NTNG2: variants seen among roughly 807,000 people sequenced by gnomAD.
The protein encoded by NTNG2 is netrin G2.
A neutral mutation model predicts 47.6 loss-of-function variants in NTNG2; 15 were observed. That is an observed-to-expected ratio of 0.32 (90% CI 0.21 to 0.49). The LOEUF is 0.49. Among genes scored for constraint, NTNG2 ranks in the 20% least tolerant of loss-of-function variants. NTNG2 has a pLI of 0.99. For synonymous variants in NTNG2, 307 were observed against 324.6 expected, an observed-to-expected ratio of 0.95 and a Z score of 0.58; for missense variants, 578 against 764.6, an observed-to-expected ratio of 0.76 and a Z score of 2.88.
rs188997202 is a variant in NTNG2 at position 132,180,686 on chromosome 9, C to T, written c.213+13642C>T. 7.2e-5 allele frequency among the ~76,000 whole-genome samples: 11 copies of T among 152,156 alleles called. No homozygotes were observed. The highest frequency in any genetic ancestry group is 2.4e-4 in the African/African-American group (10 of 41,486). ...ACCCCCAGATTCTGCTTCAGGGAGA[C>T]GGAGAGAGAGAGAAAGAGAAAGAAC... On this transcript the variant is annotated intron_variant, in intron 2 of 7. Coordinates refer to ENST00000393229, the MANE Select transcript of NTNG2 (RefSeq NM_032536.4). The surrounding 1 kb of genome is among the most constrained non-coding windows in gnomAD (Gnocchi z 4.2).
In NTNG2 at chr9:132,163,576, C is replaced by G. The variant is rs977728087; in HGVS notation, c.-484+1337C>G. 7.2e-5 allele frequency among the ~76,000 whole-genome samples: 11 copies of G among 152,292 alleles called. No homozygotes were observed. Among genetic ancestry groups the G allele is most frequent in the East Asian group, 3.9e-4 (2 of 5,170 alleles). On this transcript the variant is annotated intron_variant, in intron 1 of 7. Coordinates refer to ENST00000393229, the MANE Select transcript of NTNG2 (RefSeq NM_032536.4). The surrounding 1 kb of genome is among the most constrained non-coding windows in gnomAD (Gnocchi z 7.2). ...TCTCCCCTGAAAGCAGATTTCACCC[C>G]CCTCTGCCGCCCCTGCCGAGGAGGG...
intron 3 of NTNG2, among the ~76,000 whole-genome samples, chr9:132,214,386 G>A (rs773898652): frequency 5.9e-5 from 9 of 152,186 alleles, no homozygotes; most frequent in African/African-American, 1.2e-4. Context: ...TGCCTGGCAC[G>A]GGCCAGGGCC....
chr9:132,209,050 C>T (rs1417283140), intron 3 of NTNG2, among the ~76,000 whole-genome samples: 5 of 152,224 alleles, frequency 3.3e-5, no homozygotes, highest in Non-Finnish European at 7.3e-5. Context: ...GTGCCGTGTG[C>T]ACTGCACACC....
intron 2 of NTNG2, among the ~76,000 whole-genome samples, chr9:132,191,039 C>T (rs1465965468): frequency 1.3e-5 from 2 of 152,290 alleles, no homozygotes; most frequent in African/African-American, 2.4e-5. Context: ...AAGTGATGTG[C>T]GGCCATGGGT....
rs1002918896 is a variant in NTNG2, at chr9:132,221,439, C to T, written c.858-5410C>T. ...CACACCGACACAGAGGCAGTACCACCCACAGTGACCTGCAAAAGTCAGAGA... is the reference window on the plus strand; with the variant it reads ...CACACCGACACAGAGGCAGTACCACTCACAGTGACCTGCAAAAGTCAGAGA... On this transcript the variant is annotated intron_variant, in intron 3 of 7. Transcript: ENST00000393229. The surrounding 1 kb of genome is among the most constrained non-coding windows in gnomAD (Gnocchi z 4.2). 1.3e-5 allele frequency among the ~76,000 whole-genome samples: 2 copies of T among 152,182 alleles called. No individual in the cohort carries two copies. Among genetic ancestry groups the T allele is most frequent in the African/African-American group, 2.4e-5 (1 of 41,438 alleles).
chr9:132,219,602 A>G (rs984333962), intron 3 of NTNG2, among the ~76,000 whole-genome samples: 75 of 151,998 alleles, frequency 4.9e-4, no homozygotes, highest in African/African-American at 1.7e-3. Flanking sequence ...AGAAAGAAAG[A>G]AAGAAATTAT....
intron 2 of NTNG2, among the ~76,000 whole-genome samples, chr9:132,171,187 G>A (rs552767207): frequency 6.6e-6 from 1 of 152,314 alleles, no homozygotes; most frequent in African/African-American, 2.4e-5. Flanking sequence ...TACAGGCCTA[G>A]AATCTGAAGC....
chr9:132,200,958 C>T (rs1838700216), intron 3 of NTNG2, among the ~76,000 whole-genome samples: 1 of 152,242 alleles, frequency 6.6e-6, no homozygotes, highest in South Asian at 2.1e-4. Flanking sequence ...CCCTGCAGTC[C>T]CACTGGGCTT....
In NTNG2 at chr9:132,208,608, G is replaced by A. The variant is rs961301313; in HGVS notation, c.857+9999G>A. On this transcript the variant is annotated intron_variant, in intron 3 of 7. Coordinates refer to ENST00000393229, the MANE Select transcript of NTNG2 (RefSeq NM_032536.4). The surrounding 1 kb of genome is among the most constrained non-coding windows in gnomAD (Gnocchi z 4.0). Reference sequence around the variant, plus strand: ...TGCTGAGTAGCTGATGGGAGCAGGCGGTGGGAGGCATCATGGAGGACTCCC... The same window carrying A: ...TGCTGAGTAGCTGATGGGAGCAGGCAGTGGGAGGCATCATGGAGGACTCCC... Among the ~76,000 whole-genome samples, 7 of 152,144 alleles carry A rather than the reference G, an allele frequency of 4.6e-5. No homozygotes were observed. Among genetic ancestry groups the A allele is most frequent in the Admixed American group, 1.3e-4 (2 of 15,284 alleles).
intron 3 of NTNG2, among the ~76,000 whole-genome samples, chr9:132,222,928 C>T (rs1840447214): frequency 6.6e-6 from 1 of 152,104 alleles, no homozygotes; most frequent in Non-Finnish European, 1.5e-5. Flanking sequence ...CTGGGCAACA[C>T]AGGGAGACCC....
chr9:132,202,124 T>C (rs1306673221), intron 3 of NTNG2, among the ~76,000 whole-genome samples: 6 of 152,222 alleles, frequency 3.9e-5, no homozygotes, highest in Admixed American at 1.3e-4. Flanking sequence ...GTAGCCTGTA[T>C]GATGGAGCGA....
intron 5 of NTNG2, chr9:132,234,028 T>A: frequency 1.2e-4 from 1 of 8,226 alleles, no homozygotes; most frequent in South Asian, 0.024. Context: ...AGAGCTATCT[T>A]TTTTTTTTTT....
Position 132,230,543 on chromosome 9 carries a change from GC to G in NTNG2, c.1031-27del, listed in dbSNP as rs1841124556. On this transcript the variant is annotated intron_variant, in intron 4 of 7. Coordinates refer to ENST00000393229, the MANE Select transcript of NTNG2 (RefSeq NM_032536.4). ...CACCCAGGCCCCTTCCCCTGGGGCAGCCAGCTCACGCCCGTCTCTCTCCCAC... is the reference window on the plus strand; with the variant it reads ...CACCCAGGCCCCTTCCCCTGGGGCAGCAGCTCACGCCCGTCTCTCTCCCAC... The G allele has an allele frequency of 1.9e-6, 3 of 1,593,280 alleles. No individual in the cohort carries two copies. In the Admixed American group the frequency reaches 5.2e-5, roughly 28 times the overall value.
At chr9:132,169,687 C>T (rs1835749998) in intron 2 of NTNG2, among the ~76,000 whole-genome samples, 1 of 152,242 alleles carries the variant, frequency 6.6e-6, no homozygotes, top group South Asian at 2.1e-4. Flanking sequence ...CAGTAGAAAC[C>T]ATAATGTAGG....
intron 2 of NTNG2, among the ~76,000 whole-genome samples, chr9:132,175,159 G>A (rs867645365): frequency 8.5e-5 from 13 of 152,166 alleles, no homozygotes; most frequent in Middle Eastern, 3.4e-3. Context: ...GGGTGACAGA[G>A]AGGAGACAGT....
rs570676270 is a variant in NTNG2 at position 132,199,193 on chromosome 9, A to G, written c.857+584A>G. Among the ~76,000 whole-genome samples the G allele has an allele frequency of 1.8e-3, 274 of 152,216 alleles. 1 individual carries two copies. Among genetic ancestry groups the G allele is most frequent in the Admixed American group, 4.5e-3 (69 of 15,290 alleles). ...GCAGGAGTGGAGCCTGTCTGGGCAG[A>G]GCTGGGCTAACTCCTGGTGCTGACT... On this transcript the variant is annotated intron_variant, in intron 3 of 7. Coordinates refer to ENST00000393229, the MANE Select transcript of NTNG2 (RefSeq NM_032536.4).
intron 2 of NTNG2, among the ~76,000 whole-genome samples, chr9:132,186,494 G>A (rs1382725262): frequency 3.3e-5 from 5 of 152,220 alleles, no homozygotes; most frequent in African/African-American, 4.8e-5. Context: ...TTCGGCTGAC[G>A]GAGGAGATCA....
At chr9:132,174,222 G>A (rs1394628125) in intron 2 of NTNG2, among the ~76,000 whole-genome samples, 7 of 146,748 alleles carry the variant, frequency 4.8e-5, no homozygotes, top group African/African-American at 1.3e-4. Flanking sequence ...ATGGACGGAC[G>A]GACAGACAGG....
chr9:132,196,208 G>C (rs934925426), intron 2 of NTNG2, among the ~76,000 whole-genome samples: 1 of 152,092 alleles, frequency 6.6e-6, no homozygotes, highest in Non-Finnish European at 1.5e-5. Flanking sequence ...GTTTTTGTTT[G>C]ATACGGAGTT....
Sources: gnomAD v4.1 joint callset for allele counts (sites outside exome capture counted in the v4.1 genomes callset) on GRCh38, gnomAD v4.1.1 for gene constraint, Gnocchi (gnomAD v3.1) non-coding constraint, MANE v1.5 for transcripts, NCBI Gene and HGNC (gene_info 2026-07-23, HGNC 2026-07-21) for gene names.